PPP2R5C: variants seen among roughly 807,000 people sequenced by gnomAD.
PPP2R5C encodes the protein protein phosphatase 2 regulatory subunit B'gamma.
Under a neutral mutation model 68.9 loss-of-function variants are expected in PPP2R5C, and 7 were observed. The observed-to-expected ratio is 0.10, with a 90% CI of 0.06 to 0.19. The LOEUF (loss-of-function observed/expected upper bound fraction) is 0.19, where lower values mean the gene tolerates loss of function less well. Ranked by LOEUF, PPP2R5C falls within the 10% of genes least tolerant of loss-of-function variation. The probability of loss-of-function intolerance (pLI) is 1.00; values close to 1 mark genes in which losing one functional copy is unlikely to be tolerated. For missense variants in PPP2R5C, 348 were observed against 641.3 expected (o/e 0.54, Z 4.94); for synonymous variants, 210 against 222.2 (o/e 0.95, Z 0.49).
intron 2 of PPP2R5C, among the ~76,000 whole-genome samples, chr14:101,858,181 A>G (rs1431834017): frequency 6.6e-6 from 1 of 152,180 alleles, no homozygotes; most frequent in Non-Finnish European, 1.5e-5. Flanking sequence ...GTTCAGACTA[A>G]TGACACTTGG....
intron 2 of PPP2R5C, among the ~76,000 whole-genome samples, chr14:101,868,255 A>C (rs1009126119): frequency 4.6e-5 from 7 of 152,198 alleles, no homozygotes; most frequent in African/African-American, 1.7e-4. Flanking sequence ...AATCCAGAGA[A>C]TGATTTTTCT....
Position 101,917,676 on chromosome 14 carries a change from C to A in PPP2R5C, c.1327-155C>A. The A allele has an allele frequency of 1.1e-6, 1 of 920,972 alleles. No homozygotes were observed. The highest frequency in any genetic ancestry group is 1.6e-6 in the Non-Finnish European group (1 of 615,820). 57.1% of individuals were successfully genotyped at this position (920,972 alleles called of 1,614,324 possible). ...TGGTTTCAGAAGTCAGCAGCCGCATCATGTTGCAGGTGTAGGCGAGTCTCC... is the reference window on the plus strand; with the variant it reads ...TGGTTTCAGAAGTCAGCAGCCGCATAATGTTGCAGGTGTAGGCGAGTCTCC... On this transcript the variant is annotated intron_variant, in intron 12 of 13. Coordinates refer to ENST00000334743, the Ensembl canonical transcript of PPP2R5C. This position sits in a 1 kb window ranked among gnomAD's most constrained non-coding sequence, Gnocchi z 4.4.
At position 101,911,560 on chromosome 14, in the gene PPP2R5C, G is replaced by A. The variant is rs370517581; in HGVS notation, c.1254-841G>A. Among the ~76,000 whole-genome samples, 3 of 152,082 alleles carry A rather than the reference G, an allele frequency of 2.0e-5. No individual in the cohort carries two copies. The East Asian group carries it at 5.8e-4, about 29-fold the overall frequency. ...ACAGCTTTCCCAACAGGACCTTAAAGGTTGTGTAGTACATTTTCTGGGTTG... is the reference window on the plus strand; with the variant it reads ...ACAGCTTTCCCAACAGGACCTTAAAAGTTGTGTAGTACATTTTCTGGGTTG... On this transcript the variant is annotated intron_variant, in intron 11 of 13. Coordinates refer to ENST00000334743, the Ensembl canonical transcript of PPP2R5C.
intron 3 of PPP2R5C, among the ~76,000 whole-genome samples, chr14:101,791,591 C>G (rs1206382419): frequency 6.6e-6 from 1 of 151,652 alleles, no homozygotes; most frequent in African/African-American, 2.4e-5. Context: ...TTTTGTTATT[C>G]GTTGTAAATC....
At chr14:101,785,988 AT>A (rs1246622068) in intron 2 of PPP2R5C, 29 bp from the exon 3 acceptor site, 1 of 1,512,806 alleles carries the variant, frequency 6.6e-7, no homozygotes, top group Non-Finnish European at 8.8e-7. Context: ...CATTGTACAT[AT>A]TCATTTGTTT....
Position 101,888,187 on chromosome 14 carries a change from G to A in PPP2R5C, c.630-2050G>A, listed in dbSNP as rs543211757. On this transcript the variant is annotated intron_variant, in intron 5 of 13. Coordinates refer to ENST00000334743, the Ensembl canonical transcript of PPP2R5C. This position sits in a 1 kb window ranked among gnomAD's most constrained non-coding sequence, Gnocchi z 5.6. ...GAAGGGGTCCAGGGGTCTTTGTCTC[G>A]GAGAGGCCCAGATCACAGCTCTCCA... 3.3e-5 allele frequency among the ~76,000 whole-genome samples: 5 copies of A among 152,174 alleles called. No homozygotes were observed. Among genetic ancestry groups the A allele is most frequent in the Admixed American group, 1.3e-4 (2 of 15,284 alleles).
intron 2 of PPP2R5C, among the ~76,000 whole-genome samples, chr14:101,867,295 T>A (rs2043135787): frequency 6.6e-6 from 1 of 151,898 alleles, no homozygotes; most frequent in South Asian, 2.1e-4. Context: ...TATGCCTAGC[T>A]ACTCGGTCGG....
exon 14 of PPP2R5C, chr14:101,925,502 G>A (rs1016352127): frequency 1.8e-5 from 11 of 597,010 alleles, no homozygotes; most frequent in Admixed American, 7.0e-5. Context: ...TCGCAGTGTC[G>A]CCGCCACCCC....
intron 13 of PPP2R5C, among the ~76,000 whole-genome samples, chr14:101,922,597 C>T (rs1367249966): frequency 6.6e-6 from 1 of 151,156 alleles, no homozygotes. Flanking sequence ...GAGAATTGCT[C>T]GAAGCCAGGA....
At position 101,815,074 on chromosome 14, in the gene PPP2R5C, C is replaced by T. The variant is rs570429351; in HGVS notation, c.94+5038C>T. Among the ~76,000 whole-genome samples the T allele has an allele frequency of 7.2e-5, 11 of 152,250 alleles. 1 individual carries two copies. The highest frequency in any genetic ancestry group is 3.4e-3 in the Middle Eastern group (1 of 294). The stretch of plus-strand genomic sequence containing the variant: ...CAGTGTGCTAGGTCACAGCTGAAAC[C>T]CTGTACCTCTGTTCTCTCTCTGAAT... On this transcript the variant is annotated intron_variant, in intron 1 of 13. Transcript: ENST00000334743.
Position 101,883,709 on chromosome 14 carries a change from C to G in PPP2R5C, c.629+147C>G, listed in dbSNP as rs142279820. 39 of 1,101,162 alleles carry G rather than the reference C, an allele frequency of 3.5e-5. No homozygotes were observed. In the African/African-American group the frequency reaches 6.3e-4, roughly 18 times the overall value. 68.2% of individuals were successfully genotyped at this position (1,101,162 alleles called of 1,614,324 possible). ...CTATTTGTCATGTGCAGGTGGACCCCCTTGTGCACTGTGTGCAGGGGGCTG... is the reference window on the plus strand; with the variant it reads ...CTATTTGTCATGTGCAGGTGGACCCGCTTGTGCACTGTGTGCAGGGGGCTG... On this transcript the variant is annotated intron_variant, in intron 5 of 13. Coordinates refer to ENST00000334743, the Ensembl canonical transcript of PPP2R5C.
In PPP2R5C at chr14:101,810,168, G is replaced by C. The variant is rs1043554200; in HGVS notation, c.94+132G>C. 13 of 825,630 alleles carry C rather than the reference G, an allele frequency of 1.6e-5. No individual in the cohort carries two copies. The African/African-American group carries it at 2.3e-4, about 14-fold the overall frequency. 51.1% of individuals were successfully genotyped at this position (825,630 alleles called of 1,614,324 possible). A position where few individuals can be genotyped will look rare whatever the true frequency, so the allele number is the denominator to read the frequency against. On this transcript the variant is annotated intron_variant, in intron 1 of 13. Coordinates refer to ENST00000334743, the Ensembl canonical transcript of PPP2R5C. The stretch of plus-strand genomic sequence containing the variant: ...CCCCATTTCGCTGCAGACTTAACCA[G>C]AGGAGGTTGGGTGTGTCACTGCAGT...
At chr14:101,841,998 C>T (rs1037663651) in intron 1 of PPP2R5C, among the ~76,000 whole-genome samples, 2 of 152,086 alleles carry the variant, frequency 1.3e-5, no homozygotes, top group Non-Finnish European at 2.9e-5. Flanking sequence ...CACGGAGGCC[C>T]CCCAGAGCCC....
intron 1 of PPP2R5C, among the ~76,000 whole-genome samples, chr14:101,814,297 A>AT: frequency 6.6e-6 from 1 of 152,246 alleles, no homozygotes; most frequent in Non-Finnish European, 1.5e-5. Context: ...AAGTGACTTT[A>AT]TAGAACTACA....
In PPP2R5C at chr14:101,888,259, G is replaced by C. The variant is rs1726713696; in HGVS notation, c.630-1978G>C. Among the ~76,000 whole-genome samples, 1 of 152,018 alleles carries C rather than the reference G, an allele frequency of 6.6e-6. No homozygotes were observed. The highest frequency in any genetic ancestry group is 1.5e-5 in the Non-Finnish European group (1 of 68,020). ...TAAACTGAAGCCACACGGCTGCCGT[G>C]TATGCAAAGGGAGCCTGCAGGGTGA... On this transcript the variant is annotated intron_variant, in intron 5 of 13. Transcript: ENST00000334743. The surrounding 1 kb of genome is among the most constrained non-coding windows in gnomAD (Gnocchi z 5.6).
intron 1 of PPP2R5C, chr14:101,818,800 T>A: frequency 1.9e-6 from 1 of 529,252 alleles, no homozygotes; most frequent in South Asian, 2.6e-5. Flanking sequence ...TTTTTAAATG[T>A]TGATATTTTG....
At chr14:101,869,537 C>A (rs1251992357) in intron 2 of PPP2R5C, among the ~76,000 whole-genome samples, 1 of 152,148 alleles carries the variant, frequency 6.6e-6, no homozygotes, top group Non-Finnish European at 1.5e-5. Flanking sequence ...CGTGTGATTC[C>A]CCCAACAGTG....
intron 3 of PPP2R5C, among the ~76,000 whole-genome samples, chr14:101,787,626 G>C (rs1237947777): frequency 6.6e-6 from 1 of 152,018 alleles, no homozygotes; most frequent in Non-Finnish European, 1.5e-5. Flanking sequence ...AATTAGCCAG[G>C]CGTGGTGGCG....
At chr14:101,912,557 G>A (rs1240582098) in intron 12 of PPP2R5C, 84 bp downstream of exon 14, 1 of 1,418,074 alleles carries the variant, frequency 7.1e-7, no homozygotes. Context: ...TCACCATGGG[G>A]GGGGTCTCGA....
Sources: gnomAD v4.1 joint callset for allele counts (sites outside exome capture counted in the v4.1 genomes callset) on GRCh38, gnomAD v4.1.1 for gene constraint, Gnocchi (gnomAD v3.1) non-coding constraint, MANE v1.5 for transcripts, NCBI Gene and HGNC (gene_info 2026-07-23, HGNC 2026-07-21) for gene names.